The following GATAD2A variants were observed in gnomAD, a reference collection of about 807,000 sequenced individuals.
GATAD2A encodes the protein GATA zinc finger domain containing 2A, also known as transcriptional repressor p66-alpha.
A neutral mutation model predicts 68.5 loss-of-function variants in GATAD2A; 12 were observed. The ratio of observed to expected loss-of-function variants is 0.18; its 90% confidence interval spans 0.11 to 0.28. The LOEUF (loss-of-function observed/expected upper bound fraction) is 0.28. Among genes scored for constraint, GATAD2A ranks in the 10% least tolerant of loss-of-function variants. GATAD2A has a pLI of 1.00. For missense variants in GATAD2A, 755 were observed against 868.5 expected, an observed-to-expected ratio of 0.87 and a Z score of 1.64; for synonymous variants, 410 against 375.3, an observed-to-expected ratio of 1.09 and a Z score of -1.07.
intron 1 of GATAD2A, among the ~76,000 whole-genome samples, chr19:19,432,244 G>A (rs1348892258): frequency 2.0e-5 from 3 of 152,034 alleles, no homozygotes; most frequent in Non-Finnish European, 4.4e-5. Flanking sequence ...CAAAATGCTG[G>A]GATTACAGAC....
intron 11 of GATAD2A, 43 bp from the exon 12 acceptor site, chr19:19,505,301 C>T (rs199499332): frequency 1.2e-6 from 2 of 1,605,626 alleles, no homozygotes; most frequent in East Asian, 2.3e-5. Context: ...CAGGAGCCCT[C>T]CTGACGAGGG....
chr19:19,387,127 C>G (rs889209339), intron 1 of GATAD2A, among the ~76,000 whole-genome samples: 2 of 152,052 alleles, frequency 1.3e-5, no homozygotes, highest in African/African-American at 4.8e-5. Context: ...TAAGGAGAGA[C>G]CCCTGATTCT....
At chr19:19,401,008 C>T (rs2049675123), upstream of GATAD2A, among the ~76,000 whole-genome samples, 1 of 151,838 alleles carries the variant, frequency 6.6e-6, no homozygotes, top group Admixed American at 6.6e-5. Flanking sequence ...GGTGTGGTAG[C>T]ACGCACCTGT....
At chr19:19,463,027 G>A (rs184355064) in intron 1 of GATAD2A, among the ~76,000 whole-genome samples, 5 of 152,112 alleles carry the variant, frequency 3.3e-5, no homozygotes, top group African/African-American at 1.2e-4. Flanking sequence ...CATTCTCCCT[G>A]TCCACCTGGG....
intron 1 of GATAD2A, among the ~76,000 whole-genome samples, chr19:19,438,650 G>C (rs1568285108): frequency 1.3e-5 from 2 of 152,218 alleles, no homozygotes; most frequent in East Asian, 3.9e-4. Context: ...CCTCTTCTCT[G>C]TTGCCAGCCA....
At chr19:19,425,900 C>G (rs1028537299) in intron 1 of GATAD2A, among the ~76,000 whole-genome samples, 1 of 152,036 alleles carries the variant, frequency 6.6e-6, no homozygotes, top group Non-Finnish European at 1.5e-5. Context: ...AGGCATCTTC[C>G]CATGTCAGCC....
intron 2 of GATAD2A, among the ~76,000 whole-genome samples, chr19:19,489,931 G>A (rs1163804829): frequency 6.6e-6 from 1 of 152,224 alleles, no homozygotes; most frequent in African/African-American, 2.4e-5. Flanking sequence ...CTCAGTGTGT[G>A]TACACGTCCA....
intron 2 of GATAD2A, among the ~76,000 whole-genome samples, chr19:19,475,780 C>T (rs1004821992): frequency 6.6e-6 from 1 of 152,150 alleles, no homozygotes; most frequent in Admixed American, 6.6e-5. Context: ...TCTATGTCAC[C>T]CCTTTCCTGC....
At chr19:19,392,525 G>A (rs573691850) in intron 1 of GATAD2A, among the ~76,000 whole-genome samples, 5 of 149,680 alleles carry the variant, frequency 3.3e-5, no homozygotes, top group African/African-American at 1.2e-4. Context: ...CCGAGTAGCT[G>A]GGATTACAGG....
intron 2 of GATAD2A, among the ~76,000 whole-genome samples, chr19:19,475,791 A>G (rs1409447496): frequency 1.3e-5 from 2 of 152,100 alleles, no homozygotes; most frequent in African/African-American, 4.8e-5. Flanking sequence ...CCTTTCCTGC[A>G]GGCTCCTCAT....
chr19:19,488,580 G>T (rs77653002), intron 2 of GATAD2A, among the ~76,000 whole-genome samples: 8 of 152,194 alleles, frequency 5.3e-5, no homozygotes, highest in Non-Finnish European at 7.3e-5. Context: ...AAGTGGGATC[G>T]TGTCTCAATT....
intron 1 of GATAD2A, among the ~76,000 whole-genome samples, chr19:19,434,071 C>T (rs949051471): frequency 2.6e-5 from 4 of 152,164 alleles, no homozygotes; most frequent in South Asian, 4.2e-4. Flanking sequence ...CTGTGCCCGG[C>T]CTTCTTTCAT....
chr19:19,390,725 G>A (rs1241370474), intron 1 of GATAD2A, among the ~76,000 whole-genome samples: 4 of 152,158 alleles, frequency 2.6e-5, no homozygotes, highest in African/African-American at 7.2e-5. Flanking sequence ...AACTATGTAC[G>A]CCTAAGGGAT....
chr19:19,492,413 A>G lies in GATAD2A; in HGVS notation c.377A>G (p.Lys126Arg). The G allele has an allele frequency of 6.2e-7, 1 of 1,613,898 alleles. No individual in the cohort carries two copies. The highest frequency in any genetic ancestry group is 8.5e-7 in the Non-Finnish European group (1 of 1,179,868). The change falls in exon 3 of 12, where the codon AAG (lysine) becomes AGG (arginine). Residue 126 changes from lysine to arginine, a missense_variant. Lys to Arg is a conservative substitution (Grantham distance 26). Transcript: ENST00000683918. ...AATGGGCTGACCACGGTGGCCTTGA[A>G]GGAGACTAGCACCGAGGCCCTCATG... Reference protein sequence around the residue: ...RVNGLTTVALKETSTEALMKS... With the variant: ...RVNGLTTVALRETSTEALMKS...
chr19:19,478,068 A>G (rs1028189118), intron 2 of GATAD2A, among the ~76,000 whole-genome samples: 2 of 152,210 alleles, frequency 1.3e-5, no homozygotes, highest in Non-Finnish European at 2.9e-5. Context: ...GAATCCTATT[A>G]AATTTTTAGT....
At chr19:19,502,164 C>A in intron 10 of GATAD2A, 121 bp downstream of exon 10, 1 of 878,936 alleles carries the variant, frequency 1.1e-6, no homozygotes, top group African/African-American at 1.7e-5. Flanking sequence ...TCACTCTCTC[C>A]CCTCCCCCAC....
chr19:19,426,443 C>T (rs1465393630), intron 1 of GATAD2A, among the ~76,000 whole-genome samples: 1 of 152,176 alleles, frequency 6.6e-6, no homozygotes, highest in African/African-American at 2.4e-5. Flanking sequence ...GCAGACTTGT[C>T]CATCTATGAC....
intron 1 of GATAD2A, among the ~76,000 whole-genome samples, chr19:19,394,395 T>C (rs544715407): frequency 6.6e-6 from 1 of 152,050 alleles, no homozygotes; most frequent in African/African-American, 2.4e-5. Flanking sequence ...TGCTTTGTTA[T>C]GTATTGGTAG....
intron 2 of GATAD2A, among the ~76,000 whole-genome samples, chr19:19,480,094 C>T (rs1568323164): frequency 6.6e-6 from 1 of 152,082 alleles, no homozygotes; most frequent in Non-Finnish European, 1.5e-5. Flanking sequence ...GTGTGAGCCA[C>T]CGTGCCTGGC....
Sources: allele counts gnomAD v4.1 joint callset (sites outside exome capture counted in the v4.1 genomes callset), GRCh38; gene constraint gnomAD v4.1.1; transcripts MANE v1.5; gene names NCBI Gene and HGNC (gene_info 2026-07-23, HGNC 2026-07-21).